The following AKAP6 variants were observed in gnomAD, a reference collection of about 807,000 sequenced individuals.
The protein encoded by AKAP6 is A-kinase anchoring protein 6.
Under a neutral mutation model 188.5 loss-of-function variants are expected in AKAP6, and 58 were observed. The observed-to-expected ratio is 0.31, with a 90% confidence interval of 0.25 to 0.38. AKAP6 has a LOEUF of 0.38. AKAP6 is among the 10% of genes least tolerant of loss of function. AKAP6 has a pLI of 1.00. For synonymous variants in AKAP6, 989 were observed against 998.6 expected (o/e 0.99, Z 0.18); for missense variants, 2,710 against 2,740.0 (o/e 0.99, Z 0.24).
Position 32,831,159 on chromosome 14 carries a change from T to C in AKAP6, c.*1354T>C, listed in dbSNP as rs2034813682. 6.6e-6 allele frequency: 1 copy of C among 152,200 alleles called. No homozygotes were observed. The highest frequency in any genetic ancestry group is 2.4e-5 in the African/African-American group (1 of 41,456). 9.4% of individuals were successfully genotyped at this position (152,200 alleles called of 1,614,324 possible). ...TTGAATGAGTTTGATAGAAAGCTAG[T>C]AGAAAAGTACAGAAAATTTGACTAT... On this transcript the variant is annotated 3_prime_UTR_variant, in exon 14 of 14. Coordinates refer to ENST00000280979, the MANE Select transcript of AKAP6 (RefSeq NM_004274.5).
intron 2 of AKAP6, among the ~76,000 whole-genome samples, chr14:32,497,908 A>G (rs1234566488): frequency 2.0e-5 from 3 of 152,168 alleles, no homozygotes; most frequent in African/African-American, 7.2e-5. Flanking sequence ...ATCCTTGGTT[A>G]TAGTCTTTGC....
chr14:32,488,968 C>T (rs966100793), intron 2 of AKAP6, among the ~76,000 whole-genome samples: 16 of 152,270 alleles, frequency 1.1e-4, no homozygotes, highest in Non-Finnish European at 8.8e-5. Context: ...CCATCTTTCC[C>T]GGTAATCCCC....
chr14:32,668,504 A>G (rs1303276485), intron 7 of AKAP6, among the ~76,000 whole-genome samples: 3 of 152,182 alleles, frequency 2.0e-5, no homozygotes, highest in Non-Finnish European at 4.4e-5. Context: ...AATGTTTACC[A>G]TTTAACAAAT....
intron 4 of AKAP6, among the ~76,000 whole-genome samples, chr14:32,560,730 G>A (rs760066783): frequency 5.9e-5 from 9 of 151,980 alleles, no homozygotes; most frequent in Admixed American, 3.3e-4. Context: ...TTTTTTTAGC[G>A]TTGCATTTTT....
rs534892521 is a variant in AKAP6, at chr14:32,824,318, C to A, written c.6505C>A (p.Pro2169Thr). 2.8e-4 allele frequency: 456 copies of A among 1,613,762 alleles called. 5 individuals carry two copies. The South Asian group carries it at 4.7e-3, about 17-fold the overall frequency. Residue 2169 changes from proline to threonine, a missense_variant, in exon 13 of 14, where the codon CCT becomes ACT. By Grantham distance (38) the Pro-to-Thr change is conservative. Coordinates refer to ENST00000280979, the MANE Select transcript of AKAP6 (RefSeq NM_004274.5). ...CVEGDSDGEE[P>T]CFSSAPPNES... ...TGAGGGTGACTCTGATGGAGAGGAG[C>A]CTTGTTTCTCTAGTGCTCCTCCAAA...
At position 32,769,552 on chromosome 14, in the gene AKAP6, GTTT is replaced by G. The variant is rs146861682; in HGVS notation, c.3373-4108_3373-4106del. Among the ~76,000 whole-genome samples the G allele has an allele frequency of 5.2e-3, 765 of 146,324 alleles. 2 individuals carry two copies. Among genetic ancestry groups the G allele is most frequent in the African/African-American group, 0.016 (621 of 39,232 alleles). On this transcript the variant is annotated intron_variant, in intron 11 of 13. Transcript: ENST00000280979. ...TCTGAAAGTGGGAATTGCTTCATGG[GTTT>G]TTTTTTTTTTTTTTTTTAACAGATC...
intron 2 of AKAP6, among the ~76,000 whole-genome samples, chr14:32,465,040 A>G (rs552137035): frequency 6.6e-6 from 1 of 152,332 alleles, no homozygotes; most frequent in African/African-American, 2.4e-5. Context: ...AAGGGATGCG[A>G]AGGACCTCTT....
chr14:32,820,423 CAG>C (rs2034490834), intron 12 of AKAP6, among the ~76,000 whole-genome samples: 2 of 152,008 alleles, frequency 1.3e-5, no homozygotes, highest in African/African-American at 2.4e-5. Flanking sequence ...TCTATCTAAA[CAG>C]AGGCAGAGCC....
chr14:32,647,894 C>A (rs932426878), intron 7 of AKAP6, among the ~76,000 whole-genome samples: 1 of 152,070 alleles, frequency 6.6e-6, no homozygotes, highest in Non-Finnish European at 1.5e-5. Flanking sequence ...ATATGATCAG[C>A]ATGACTGTAC....
chr14:32,388,149 G>A (rs576234416), intron 1 of AKAP6, among the ~76,000 whole-genome samples: 2 of 152,018 alleles, frequency 1.3e-5, no homozygotes, highest in South Asian at 2.1e-4. Context: ...GTTCATAGTA[G>A]CCTTGAATGA....
At chr14:32,800,214 A>G (rs559843530) in intron 12 of AKAP6, among the ~76,000 whole-genome samples, 22 of 145,998 alleles carry the variant, frequency 1.5e-4, no homozygotes, top group Admixed American at 3.4e-4. Flanking sequence ...ATATACACAC[A>G]TCTATATATA....
chr14:32,621,562 T>A (rs75271153), intron 7 of AKAP6, among the ~76,000 whole-genome samples: 3,614 of 152,190 alleles, frequency 0.024, 150 homozygotes, highest in African/African-American at 0.083. Context: ...TTTGATTTTT[T>A]AAAAATTGAG....
chr14:32,380,907 A>G (rs900575981), intron 1 of AKAP6, among the ~76,000 whole-genome samples: 5 of 151,738 alleles, frequency 3.3e-5, no homozygotes, highest in Middle Eastern at 3.4e-3. Context: ...TTTTTTCCTT[A>G]GTGTTTTTAG....
chr14:32,834,405 T>G lies in AKAP6; in HGVS notation c.*4600T>G, dbSNP rs1271790739. 6.6e-6 allele frequency: 1 copy of G among 152,040 alleles called. No individual in the cohort carries two copies. Among genetic ancestry groups the G allele is most frequent in the Admixed American group, 6.6e-5 (1 of 15,264 alleles). The allele number at this position is 152,040 out of a possible 1,614,324, so 9.4% of individuals were successfully genotyped here. On this transcript the variant is annotated 3_prime_UTR_variant, in exon 14 of 14. Transcript: ENST00000280979. ...TTGTCTCAAAAAAAAAAATGTAATA[T>G]TAATACAATAATACCTGATAGTTTA...
chr14:32,684,041 G>A lies in AKAP6; in HGVS notation c.2879+5582G>A, dbSNP rs1247347631. On this transcript the variant is annotated intron_variant, in intron 8 of 13. Coordinates refer to ENST00000280979, the MANE Select transcript of AKAP6 (RefSeq NM_004274.5). ...ACAGATGTGGCATTCACTGAGGAGG[G>A]GAATGCAGAGGAAGAATAACAGGGA... Among the ~76,000 whole-genome samples, 4 of 152,116 alleles carry A rather than the reference G, an allele frequency of 2.6e-5. No individual in the cohort carries two copies. The East Asian group carries it at 5.8e-4, about 22-fold the overall frequency.
intron 9 of AKAP6, among the ~76,000 whole-genome samples, chr14:32,720,665 G>C (rs2030482908): frequency 6.6e-6 from 1 of 152,030 alleles, no homozygotes; most frequent in Admixed American, 6.5e-5. Flanking sequence ...ATCTTATTTT[G>C]TGTTATTAGA....
chr14:32,547,349 A>G (rs996725965), intron 4 of AKAP6, among the ~76,000 whole-genome samples: 6 of 152,246 alleles, frequency 3.9e-5, no homozygotes, highest in African/African-American at 1.4e-4. Flanking sequence ...GCTCAGGAAT[A>G]TATGCATAGA....
intron 4 of AKAP6, among the ~76,000 whole-genome samples, chr14:32,554,270 T>G (rs1157247499): frequency 6.6e-6 from 1 of 152,218 alleles, no homozygotes; most frequent in Non-Finnish European, 1.5e-5. Context: ...AGATTAAAGA[T>G]TTACTCTCTT....
At chr14:32,689,186 A>G (rs140624005) in intron 8 of AKAP6, among the ~76,000 whole-genome samples, 105 of 152,308 alleles carry the variant, frequency 6.9e-4, no homozygotes, top group African/African-American at 2.3e-3. Flanking sequence ...AGTCCAGCAT[A>G]TTATCTAAAA....
Sources: allele counts gnomAD v4.1 joint callset (sites outside exome capture counted in the v4.1 genomes callset), GRCh38; gene constraint gnomAD v4.1.1; transcripts MANE v1.5; gene names NCBI Gene and HGNC (gene_info 2026-07-23, HGNC 2026-07-21).